Variants in ANKRD24 observed in about 807,000 individuals in gnomAD.
The protein encoded by ANKRD24 is ankyrin repeat domain-containing protein 24.
In ANKRD24, 109 loss-of-function variants were observed where a neutral mutation model predicts 127.8. The ratio of observed to expected loss-of-function variants is 0.85; its 90% CI spans 0.73 to 1.00. The LOEUF (loss-of-function observed/expected upper bound fraction) is 1.00. Ranked by LOEUF, ANKRD24 falls within the 50% of genes least tolerant of loss-of-function variation. ANKRD24 has a pLI of 0.00. For synonymous variants in ANKRD24, 743 were observed against 671.1 expected (o/e 1.11, Z -1.66); for missense variants, 1,648 against 1,570.2 (o/e 1.05, Z -0.84).
In ANKRD24 at chr19:4,216,444, C is replaced by T. The variant is rs1970076405; in HGVS notation, c.1389+42C>T. Reference sequence around the variant, plus strand: ...TGGGGACAGATCTGAGGACCTAGGGCTGGTTCCCTGAGGTCAGGGTGGGCA... The same window carrying T: ...TGGGGACAGATCTGAGGACCTAGGGTTGGTTCCCTGAGGTCAGGGTGGGCA... On this transcript the variant is annotated intron_variant, in intron 17 of 21. Coordinates refer to ENST00000318934, the MANE Select transcript of ANKRD24 (RefSeq NM_001393985.1). The T allele has an allele frequency of 2.6e-6, 4 of 1,555,710 alleles. No homozygotes were observed. The African/African-American group carries it at 4.1e-5, about 16-fold the overall frequency.
rs1269554417 is a variant in ANKRD24 at position 4,200,187 on chromosome 19, C to A, written c.343+16C>A. 6.3e-7 allele frequency: 1 copy of A among 1,582,176 alleles called. No homozygotes were observed. Among genetic ancestry groups the A allele is most frequent in the Non-Finnish European group, 8.6e-7 (1 of 1,165,896 alleles). Reference sequence around the variant, plus strand: ...GACGGGGCAGGTACTGCCAGCTGGGCCCCGGGGAGGGAGGAGGAACTAAGC... The same window carrying A: ...GACGGGGCAGGTACTGCCAGCTGGGACCCGGGGAGGGAGGAGGAACTAAGC... On this transcript the variant is annotated intron_variant, in intron 5 of 21. Transcript: ENST00000318934.
Position 4,224,134 on chromosome 19 carries a change from C to T in ANKRD24, c.3305C>T (p.Ala1102Val), listed in dbSNP as rs766500514. 6 of 1,612,600 alleles carry T rather than the reference C, an allele frequency of 3.7e-6. No individual in the cohort carries two copies. In the East Asian group the frequency reaches 1.1e-4, roughly 30 times the overall value. ...KDLQQQLQEA[A>V]RDHSSVVALY... ...CCTTCCTCATGCCCACAGGAAGCTG[C>T]CAGGGACCACTCCAGCGTGGTGGCT... Residue 1102 changes from alanine (A) to valine (V), a missense_variant, in exon 21 of 22, where the codon GCC becomes GTC. Coordinates refer to ENST00000318934, the MANE Select transcript of ANKRD24 (RefSeq NM_001393985.1).
chr19:4,213,461 T>C (rs1969885361), intron 15 of ANKRD24, among the ~76,000 whole-genome samples: 1 of 143,558 alleles, frequency 7.0e-6, no homozygotes, highest in Admixed American at 6.9e-5. Context: ...TCCTTCTTTT[T>C]TTTTTTTTTT....
At chr19:4,184,218 T>C (rs918838475) in intron 1 of ANKRD24, among the ~76,000 whole-genome samples, 4 of 152,176 alleles carry the variant, frequency 2.6e-5, no homozygotes, top group Non-Finnish European at 2.9e-5. Flanking sequence ...GTGGAGCGGC[T>C]GGAGCTGCTC....
Position 4,217,309 on chromosome 19 carries a change from G to T in ANKRD24, c.2149G>T (p.Ala717Ser), listed in dbSNP as rs1161871789. The T allele has an allele frequency of 6.4e-7, 1 of 1,552,850 alleles. No individual in the cohort carries two copies. The highest frequency in any genetic ancestry group is 8.7e-7 in the Non-Finnish European group (1 of 1,147,856). ...CATCCTACATCCTGGTGCCGCAGAG[G>T]CCTCGGAAAAGCTTCAAGTAGAGCT... Reference protein sequence around the residue: ...GPILHPGAAEASEKLQVELET... With the variant: ...GPILHPGAAESSEKLQVELET... The change falls in exon 18 of 22, where the codon GCC becomes TCC. Residue 717 changes from alanine (A) to serine (S), a missense_variant. By Grantham distance (99) the Ala-to-Ser change is moderately conservative. Transcript: ENST00000318934.
intron 2 of ANKRD24, among the ~76,000 whole-genome samples, chr19:4,193,536 G>A (rs1968505746): frequency 1.3e-5 from 2 of 150,830 alleles, no homozygotes; most frequent in Non-Finnish European, 3.0e-5. Flanking sequence ...TTACACCGAG[G>A]GAAATGTAAA....
intron 2 of ANKRD24, among the ~76,000 whole-genome samples, chr19:4,191,673 G>C (rs1365604339): frequency 1.3e-5 from 2 of 151,150 alleles, no homozygotes; most frequent in African/African-American, 2.4e-5. Flanking sequence ...GTAGAGACGG[G>C]GTTTCATCAT....
chr19:4,209,068 C>T (rs373525731), intron 11 of ANKRD24: 233 of 391,282 alleles, frequency 6.0e-4, no homozygotes, highest in Non-Finnish European at 5.9e-4. Flanking sequence ...TTGGTGTCTT[C>T]GGGGAAGGAA....
At chr19:4,200,815 G>C (rs1486922600) in intron 5 of ANKRD24, among the ~76,000 whole-genome samples, 1 of 152,058 alleles carries the variant, frequency 6.6e-6, no homozygotes, top group Non-Finnish European at 1.5e-5. Flanking sequence ...GAGCCACCAT[G>C]CCAAGCCTGG....
intron 2 of ANKRD24, among the ~76,000 whole-genome samples, chr19:4,188,759 A>G (rs1054009665): frequency 6.6e-6 from 1 of 151,826 alleles, no homozygotes; most frequent in Non-Finnish European, 1.5e-5. Context: ...TGGGGATGTC[A>G]TGCCCCCTCT....
rs1443218864 is a variant in ANKRD24 at position 4,215,981 on chromosome 19, G to A, written c.1201G>A (p.Glu401Lys). Reference sequence around the variant, plus strand: ...GGACTCTGCTCCCTCCCCCCAGAACGAGCGGGAGAATACTAGCTATGACGT... The same window carrying A: ...GGACTCTGCTCCCTCCCCCCAGAACAAGCGGGAGAATACTAGCTATGACGT... ...LQSRLSLLEN[E>K]RENTSYDVTT... The change falls in exon 16 of 22, where the codon GAG becomes AAG. Residue 401 changes from glutamate to lysine, a missense_variant. Transcript: ENST00000318934. 4 of 1,589,490 alleles carry A rather than the reference G, an allele frequency of 2.5e-6. No homozygotes were observed. The highest frequency in any genetic ancestry group is 1.2e-5 in the South Asian group (1 of 86,898).
At chr19:4,214,785 C>T (rs1479723260) in intron 15 of ANKRD24, among the ~76,000 whole-genome samples, 3 of 152,092 alleles carry the variant, frequency 2.0e-5, no homozygotes, top group Admixed American at 6.6e-5. Flanking sequence ...ACTCAGGAGG[C>T]GGAGGTTGCA....
Position 4,212,622 on chromosome 19 carries a change from T to C in ANKRD24, c.1121T>C (p.Leu374Pro). 6.4e-7 allele frequency: 1 copy of C among 1,551,242 alleles called. No individual in the cohort carries two copies. The change falls in exon 15 of 22, where the codon CTG becomes CCG. Residue 374 changes from leucine (L) to proline (P), a missense_variant. Coordinates refer to ENST00000318934, the MANE Select transcript of ANKRD24 (RefSeq NM_001393985.1). The stretch of plus-strand genomic sequence containing the variant: ...CAGGTGCAAGAGCTACAGCAGTTGC[T>C]GGTGGAGAGACAAGAGGAGAAGGAG... Reference protein sequence around the residue: ...ERQVQELQQLLVERQEEKESL... With the variant: ...ERQVQELQQLPVERQEEKESL...
chr19:4,215,259 G>A (rs570863086), intron 15 of ANKRD24, among the ~76,000 whole-genome samples: 1 of 152,384 alleles, frequency 6.6e-6, no homozygotes, highest in Admixed American at 6.5e-5. Flanking sequence ...GCCAAGGCGG[G>A]TGGATCACCT....
Position 4,186,485 on chromosome 19 carries a change from C to T in ANKRD24, c.36+24C>T, listed in dbSNP as rs570007091. On this transcript the variant is annotated intron_variant, in intron 2 of 21. Coordinates refer to ENST00000318934, the MANE Select transcript of ANKRD24 (RefSeq NM_001393985.1). ...AGGTGAGTGTGAGGCCCTAGATGCCCGATACACCCCTGCAACTTCAGCCTT... is the reference window on the plus strand; with the variant it reads ...AGGTGAGTGTGAGGCCCTAGATGCCTGATACACCCCTGCAACTTCAGCCTT... The T allele has an allele frequency of 8.5e-5, 134 of 1,584,454 alleles. No homozygotes were observed. The East Asian group carries it at 2.1e-3, about 24-fold the overall frequency.
chr19:4,197,819 GAATT>G (rs1461687215), intron 2 of ANKRD24, among the ~76,000 whole-genome samples: 11 of 152,194 alleles, frequency 7.2e-5, no homozygotes, highest in African/African-American at 2.2e-4. Context: ...ATGGGTGAGT[GAATT>G]AATGCATGAA....
chr19:4,217,248 G>C lies in ANKRD24; in HGVS notation c.2088G>C (p.Gly696=). 6.3e-7 allele frequency: 1 copy of C among 1,591,392 alleles called. No individual in the cohort carries two copies. The highest frequency in any genetic ancestry group is 1.1e-5 in the South Asian group (1 of 88,040). ...GVSATGVENP[G]VEATVPGISA... ...GTGCCACAGGTGTGGAGAACCCAGG[G>C]GTAGAGGCCACGGTCCCGGGGATCT... Residue 696 remains glycine (G), a synonymous_variant, in exon 18 of 22, where the codon GGG becomes GGC. Transcript: ENST00000318934.
In ANKRD24 at chr19:4,199,967, G is replaced by A. The variant is rs1171963041; in HGVS notation, c.216G>A (p.Gly72=). The A allele has an allele frequency of 6.4e-7, 1 of 1,564,844 alleles. No homozygotes were observed. The highest frequency in any genetic ancestry group is 2.4e-5 in the East Asian group (1 of 41,812). ...PRVAALIARK[G]LVPTKLDPEG... ...TGGCCGCCCTCATCGCCCGCAAGGG[G>A]CTGGTGCCCACGAAGCTAGACCCCG... The change falls in exon 4 of 22, where the codon GGG becomes GGA. Residue 72 remains glycine (G), a synonymous_variant. Coordinates refer to ENST00000318934, the MANE Select transcript of ANKRD24 (RefSeq NM_001393985.1). This position sits in a 1 kb window ranked among gnomAD's most constrained non-coding sequence, Gnocchi z 5.2.
At chr19:4,186,558 C>A in intron 2 of ANKRD24, 97 bp downstream of exon 2, 1 of 1,354,160 alleles carries the variant, frequency 7.4e-7, no homozygotes, top group South Asian at 1.3e-5. Flanking sequence ...TTCCAGTACC[C>A]ACCTCTTCTC....
Sources: allele counts gnomAD v4.1 joint callset (sites outside exome capture counted in the v4.1 genomes callset), GRCh38; gene constraint gnomAD v4.1.1; non-coding constraint Gnocchi (gnomAD v3.1); transcripts MANE v1.5; gene names NCBI Gene and HGNC (gene_info 2026-07-23, HGNC 2026-07-21).